Variants in ATP9B observed in about 807,000 individuals in gnomAD.
ATP9B encodes the protein ATPase phospholipid transporting 9B.
In ATP9B, 110 loss-of-function variants were observed where a neutral mutation model predicts 146.1. The ratio of observed to expected loss-of-function variants is 0.75; its 90% CI spans 0.65 to 0.88. The LOEUF (loss-of-function observed/expected upper bound fraction) is 0.88. Among genes scored for constraint, ATP9B ranks in the 40% least tolerant of loss-of-function variants. ATP9B has a pLI of 0.00. For synonymous variants in ATP9B, 604 were observed against 569.7 expected (o/e 1.06, Z -0.86); for missense variants, 1,499 against 1,496.4 (o/e 1.00, Z -0.03).
intron 15 of ATP9B, among the ~76,000 whole-genome samples, chr18:79,322,306 C>T (rs760618180): frequency 3.9e-5 from 6 of 152,224 alleles, no homozygotes; most frequent in Non-Finnish European, 7.3e-5. Context: ...GTCCATAGAA[C>T]GGCAGTGCCG....
At chr18:79,368,074 G>A (rs114237617) in intron 26 of ATP9B, among the ~76,000 whole-genome samples, 83 of 152,188 alleles carry the variant, frequency 5.5e-4, no homozygotes, top group African/African-American at 2.0e-3. Flanking sequence ...GCTGGAGGGC[G>A]CCATGGCCCC....
At chr18:79,172,848 T>C (rs373373294) in intron 7 of ATP9B, among the ~76,000 whole-genome samples, 1 of 152,274 alleles carries the variant, frequency 6.6e-6, no homozygotes, top group African/African-American at 2.4e-5. Flanking sequence ...TGAACAATTA[T>C]GTACAGCTTT....
At chr18:79,177,194 T>C (rs933157642) in intron 8 of ATP9B, among the ~76,000 whole-genome samples, 1 of 152,100 alleles carries the variant, frequency 6.6e-6, no homozygotes, top group African/African-American at 2.4e-5. Flanking sequence ...CCCTTCCCCC[T>C]CTTCCGCCTC....
chr18:79,268,376 T>C (rs1334084174), intron 12 of ATP9B, among the ~76,000 whole-genome samples: 3 of 152,194 alleles, frequency 2.0e-5, no homozygotes, highest in African/African-American at 7.2e-5. Context: ...TTAGTTTAAA[T>C]CTGCTGTTTT....
intron 13 of ATP9B, 162 bp downstream of exon 13, chr18:79,277,358 C>G: frequency 1.3e-6 from 1 of 770,422 alleles, no homozygotes; most frequent in South Asian, 2.0e-5. Flanking sequence ...ACTCTTGAAA[C>G]TGTCACACAG....
intron 1 of ATP9B, among the ~76,000 whole-genome samples, chr18:79,092,309 A>G (rs1271389681): frequency 6.6e-6 from 1 of 152,208 alleles, no homozygotes; most frequent in Non-Finnish European, 1.5e-5. Context: ...CTCCTAGGCT[A>G]CAAACTTGTG....
intron 10 of ATP9B, among the ~76,000 whole-genome samples, chr18:79,211,373 C>T (rs1018765670): frequency 6.6e-6 from 1 of 152,186 alleles, no homozygotes; most frequent in Non-Finnish European, 1.5e-5. Flanking sequence ...TAATTATTAT[C>T]CCACTCACAT....
Position 79,286,389 on chromosome 18 carries a change from G to A in ATP9B, c.1411+9193G>A, listed in dbSNP as rs1460769827. ...TATTCTCTTTGAAGCAATTGTGAATGGGAGTTCACTCATGATTTGGCTCTC... is the reference window on the plus strand; with the variant it reads ...TATTCTCTTTGAAGCAATTGTGAATAGGAGTTCACTCATGATTTGGCTCTC... On this transcript the variant is annotated intron_variant, in intron 13 of 29. Transcript: ENST00000426216. Among the ~76,000 whole-genome samples the A allele has an allele frequency of 4.2e-4, 63 of 150,814 alleles. No individual in the cohort carries two copies. In the East Asian group the frequency reaches 0.011, roughly 27 times the overall value.
At chr18:79,082,579 A>G (rs1182044594) in intron 1 of ATP9B, among the ~76,000 whole-genome samples, 2 of 152,120 alleles carry the variant, frequency 1.3e-5, no homozygotes, top group East Asian at 1.9e-4. Flanking sequence ...TGACCTTCAG[A>G]TGGAGTTTTT....
chr18:79,362,945 A>C (rs2096998958), intron 26 of ATP9B: 1 of 152,250 alleles, frequency 6.6e-6, no homozygotes, highest in Non-Finnish European at 1.5e-5. Context: ...AAATGGTTTT[A>C]TCTTTTGAAA....
chr18:79,234,227 C>G lies in ATP9B; in HGVS notation c.1108-19154C>G, dbSNP rs186977822. Among the ~76,000 whole-genome samples, 16 of 152,242 alleles carry G rather than the reference C, an allele frequency of 1.1e-4. No homozygotes were observed. The East Asian group carries it at 1.5e-3, about 15-fold the overall frequency. ...GACGAGGCTAGAGGCCTTCAGAATC[C>G]AGAAATAAATGGTAAACATGGGTTT... On this transcript the variant is annotated intron_variant, in intron 11 of 29. Transcript: ENST00000426216.
At chr18:79,280,250 T>A (rs2096362236) in intron 13 of ATP9B, among the ~76,000 whole-genome samples, 1 of 152,072 alleles carries the variant, frequency 6.6e-6, no homozygotes, top group South Asian at 2.1e-4. Context: ...TAAGGTTTAT[T>A]TATATAAAGA....
At chr18:79,259,433 A>G (rs1172023903) in intron 12 of ATP9B, among the ~76,000 whole-genome samples, 1 of 152,232 alleles carries the variant, frequency 6.6e-6, no homozygotes, top group African/African-American at 2.4e-5. Flanking sequence ...TTACTCCCAC[A>G]TGAGGCATAT....
chr18:79,126,210 A>G, intron 4 of ATP9B, 57 bp from the exon 5 acceptor site: 1 of 1,420,924 alleles, frequency 7.0e-7, no homozygotes, highest in Non-Finnish European at 9.8e-7. Context: ...GTAACAAATA[A>G]TTTTGTCTTT....
At chr18:79,309,633 A>G (rs1317774303) in intron 15 of ATP9B, among the ~76,000 whole-genome samples, 2 of 146,860 alleles carry the variant, frequency 1.4e-5, no homozygotes, top group African/African-American at 2.5e-5. Flanking sequence ...CCCAGCAGGT[A>G]GAAGGTCAGG....
At chr18:79,329,022 C>T in intron 15 of ATP9B, 119 bp from the exon 16 acceptor site, 1 of 1,104,488 alleles carries the variant, frequency 9.1e-7, no homozygotes, top group Non-Finnish European at 1.2e-6. Context: ...GTTCTGAACA[C>T]CTAAGTTCTT....
intron 7 of ATP9B, among the ~76,000 whole-genome samples, chr18:79,163,178 TTCTC>T (rs575864866): frequency 6.6e-6 from 1 of 152,240 alleles, no homozygotes; most frequent in Admixed American, 6.5e-5. Context: ...AGTTCATTCT[TTCTC>T]TCTTTAAATC....
At chr18:79,090,015 C>T (rs1568150619) in intron 1 of ATP9B, among the ~76,000 whole-genome samples, 1 of 152,180 alleles carries the variant, frequency 6.6e-6, no homozygotes, top group Non-Finnish European at 1.5e-5. Context: ...TGAGTGAGAA[C>T]ATGTGATATT....
chr18:79,370,305 C>G (rs2097061521), intron 26 of ATP9B, among the ~76,000 whole-genome samples: 1 of 152,146 alleles, frequency 6.6e-6, no homozygotes, highest in Non-Finnish European at 1.5e-5. Flanking sequence ...GCCACTATTA[C>G]TTCTATTTCA....
Sources: gnomAD v4.1 joint callset for allele counts (sites outside exome capture counted in the v4.1 genomes callset) on GRCh38, gnomAD v4.1.1 for gene constraint, MANE v1.5 for transcripts, NCBI Gene and HGNC (gene_info 2026-07-23, HGNC 2026-07-21) for gene names.